The following SETD5 variants were observed in gnomAD, a reference collection of about 807,000 sequenced individuals.
SETD5 encodes the protein SET domain containing 5, also known as histone-lysine N-methyltransferase SETD5.
A neutral mutation model predicts 153.3 loss-of-function variants in SETD5; 44 were observed. That is an observed-to-expected ratio of 0.29 (90% CI 0.23 to 0.37). The LOEUF is 0.37. Among genes scored for constraint, SETD5 ranks in the 10% least tolerant of loss-of-function variants. The probability of loss-of-function intolerance (pLI) is 1.00; values close to 1 mark genes in which losing one functional copy is unlikely to be tolerated. For missense variants in SETD5, 1,544 were observed against 1,768.0 expected (o/e 0.87, Z 2.27); for synonymous variants, 716 against 645.2 (o/e 1.11, Z -1.66).
Position 9,407,278 on chromosome 3 carries a change from A to G in SETD5, c.-177+9301A>G, listed in dbSNP as rs201337742. ...GGGAGGCAGAGGTTGCAGTGAGCCA[A>G]GATCGTGCCACTGCATTCCAGCCTG... is the stretch of plus-strand genomic sequence containing the variant. On this transcript the variant is annotated intron_variant, in intron 1 of 22. Transcript: ENST00000402198. 2.6e-5 allele frequency among the ~76,000 whole-genome samples: 4 copies of G among 152,294 alleles called. No individual in the cohort carries two copies. In the East Asian group the frequency reaches 5.8e-4, roughly 22 times the overall value.
intron 17 of SETD5, among the ~76,000 whole-genome samples, chr3:9,459,650 G>A (rs1164961872): frequency 1.3e-5 from 2 of 148,564 alleles, no homozygotes; most frequent in South Asian, 4.3e-4. Context: ...GGGCATAGTG[G>A]CAGGCGCCTG....
At chr3:9,421,095 G>A (rs1004384886) in intron 1 of SETD5, among the ~76,000 whole-genome samples, 1 of 151,412 alleles carries the variant, frequency 6.6e-6, no homozygotes, top group African/African-American at 2.4e-5. Flanking sequence ...AGAAAACTGA[G>A]ACTTTGAGAC....
At chr3:9,471,531 G>T (rs982515286) in intron 19 of SETD5, among the ~76,000 whole-genome samples, 1 of 152,232 alleles carries the variant, frequency 6.6e-6, no homozygotes, top group African/African-American at 2.4e-5. Context: ...CAGCAGGCAT[G>T]CAGTATGGTG....
intron 2 of SETD5, among the ~76,000 whole-genome samples, chr3:9,425,051 G>GTTTTTTTTTT (rs1559380190): frequency 3.3e-5 from 3 of 91,410 alleles, no homozygotes; most frequent in African/African-American, 1.0e-4. Flanking sequence ...TACCGACAAT[G>GTTTTTTTTTT]TTTCTTTTTT....
At chr3:9,430,440 G>GT in intron 3 of SETD5, 1 of 738,982 alleles carries the variant, frequency 1.4e-6, no homozygotes. Context: ...TTTTGTTTTT[G>GT]TTTGTTTTGT....
intron 17 of SETD5, among the ~76,000 whole-genome samples, chr3:9,454,622 CAAAAAA>C (rs67028533): frequency 1.6e-4 from 9 of 58,032 alleles, no homozygotes; most frequent in Admixed American, 9.4e-4. Flanking sequence ...AACTCCGTCT[CAAAAAA>C]AAAAAAAAAA....
intron 16 of SETD5, chr3:9,449,637 C>T (rs1216032216): frequency 6.6e-6 from 1 of 152,184 alleles, no homozygotes; most frequent in African/African-American, 2.4e-5. Flanking sequence ...TTTTCTCTTT[C>T]CCCAAAGAAC....
At chr3:9,443,836 C>G (rs59049946) in intron 11 of SETD5, among the ~76,000 whole-genome samples, 5,657 of 152,168 alleles carry the variant, frequency 0.037, 215 homozygotes, top group Admixed American at 0.097. Flanking sequence ...AAGGCTGAGG[C>G]GGGCGGATCA....
intron 17 of SETD5, among the ~76,000 whole-genome samples, chr3:9,457,215 G>A (rs1453656464): frequency 6.6e-6 from 1 of 152,112 alleles, no homozygotes; most frequent in Non-Finnish European, 1.5e-5. Flanking sequence ...TAGGCCAGGC[G>A]TGGTGGCTCA....
In SETD5 at chr3:9,400,840, C is replaced by A. The variant is rs185848256; in HGVS notation, c.-177+2863C>A. On this transcript the variant is annotated intron_variant, in intron 1 of 22. Coordinates refer to ENST00000402198, the MANE Select transcript of SETD5 (RefSeq NM_001080517.3). ...TTAGGTGATCTCCCCTCCCCCACAA[C>A]TCCTGAACATTAGGATGATCTCTGA... 1.3e-3 allele frequency among the ~76,000 whole-genome samples: 201 copies of A among 152,314 alleles called. 4 individuals carry two copies. The East Asian group carries it at 0.024, about 18-fold the overall frequency.
At chr3:9,456,491 A>AAC (rs973175699) in intron 17 of SETD5, among the ~76,000 whole-genome samples, 1 of 151,784 alleles carries the variant, frequency 6.6e-6, no homozygotes, top group Non-Finnish European at 1.5e-5. Flanking sequence ...AAAAAAAAAA[A>AAC]AAAAAACAAG....
chr3:9,471,430 A>T (rs1490030350), intron 19 of SETD5, among the ~76,000 whole-genome samples: 1 of 152,196 alleles, frequency 6.6e-6, no homozygotes, highest in Non-Finnish European at 1.5e-5. Context: ...CTCAAACAAT[A>T]AGTAGGAGTC....
At chr3:9,425,865 G>C (rs1188988873) in intron 2 of SETD5, among the ~76,000 whole-genome samples, 3 of 152,148 alleles carry the variant, frequency 2.0e-5, no homozygotes, top group Non-Finnish European at 4.4e-5. Flanking sequence ...TTTGGTTTAA[G>C]TCTTTTACTG....
chr3:9,425,051 G>GTTTT (rs1559380190), intron 2 of SETD5, among the ~76,000 whole-genome samples: 10 of 91,434 alleles, frequency 1.1e-4, no homozygotes, highest in African/African-American at 5.0e-4. Flanking sequence ...TACCGACAAT[G>GTTTT]TTTCTTTTTT....
In SETD5 at chr3:9,470,845, C is replaced by T. The variant is rs754098679; in HGVS notation, c.3111C>T (p.Leu1037=). Residue 1037 remains leucine (L), a synonymous_variant, in exon 19 of 23, where the codon CTC becomes CTT. Transcript: ENST00000402198. ...ATGAACATGGCTTAATGAAAGACCTCTCTCGTGGATCCTTGTCACCTGGTG... is the reference window on the plus strand; with the variant it reads ...ATGAACATGGCTTAATGAAAGACCTTTCTCGTGGATCCTTGTCACCTGGTG... ...SRYEHGLMKD[L]SRGSLSPGGE... is the part of the protein sequence containing the mutation. 1 of 1,612,348 alleles carries T rather than the reference C, an allele frequency of 6.2e-7. No homozygotes were observed. The highest frequency in any genetic ancestry group is 1.1e-5 in the South Asian group (1 of 90,726).
chr3:9,416,199 C>G (rs2037426946), intron 1 of SETD5, among the ~76,000 whole-genome samples: 1 of 152,072 alleles, frequency 6.6e-6, no homozygotes, highest in Non-Finnish European at 1.5e-5. Flanking sequence ...TGTCAGCACT[C>G]TAAGACTCCA....
At chr3:9,472,726 A>C (rs2045445173) in intron 19 of SETD5, among the ~76,000 whole-genome samples, 4 of 148,714 alleles carry the variant, frequency 2.7e-5, no homozygotes, top group African/African-American at 5.0e-5. Flanking sequence ...ACCTCTCCCC[A>C]CCTCCCTCTC....
chr3:9,399,158 C>T (rs2034304285), intron 1 of SETD5, among the ~76,000 whole-genome samples: 1 of 152,168 alleles, frequency 6.6e-6, no homozygotes, highest in Admixed American at 6.5e-5. Flanking sequence ...TATTTGTGAC[C>T]AAGGTCATAT....
intron 12 of SETD5, 88 bp from the exon 13 acceptor site, chr3:9,445,569 G>A: frequency 8.4e-7 from 1 of 1,186,708 alleles, no homozygotes; most frequent in Non-Finnish European, 1.2e-6. Flanking sequence ...ACTAGAGATT[G>A]TTATAGAGAG....
Sources: gnomAD v4.1 joint callset for allele counts (sites outside exome capture counted in the v4.1 genomes callset) on GRCh38, gnomAD v4.1.1 for gene constraint, MANE v1.5 for transcripts, NCBI Gene and HGNC (gene_info 2026-07-23, HGNC 2026-07-21) for gene names.